The following PCDHGB2 variants were observed in gnomAD, a reference collection of about 807,000 sequenced individuals.
The protein encoded by PCDHGB2 is protocadherin gamma-B2.
A neutral mutation model predicts 59.3 loss-of-function variants in PCDHGB2; 55 were observed. The observed-to-expected ratio is 0.93, with a 90% CI of 0.75 to 1.16. PCDHGB2 has a LOEUF of 1.16. Among genes scored for constraint, PCDHGB2 ranks in the 50% most tolerant of loss-of-function variants. The pLI is 0.00. For synonymous variants in PCDHGB2, 516 were observed against 512.0 expected (o/e 1.01, Z -0.11); for missense variants, 1,228 against 1,198.5 (o/e 1.02, Z -0.36).
intron 1 of PCDHGB2, chr5:141,433,196 C>A (rs750657930): frequency 4.4e-6 from 7 of 1,575,116 alleles, no homozygotes; most frequent in African/African-American, 1.4e-5. Context: ...GAGTTTATAT[C>A]AAATCTTCTT....
At chr5:141,420,314 A>C (rs1454977890) in intron 1 of PCDHGB2, 1 of 1,442,690 alleles carries the variant, frequency 6.9e-7, no homozygotes. Flanking sequence ...TTTATATTAC[A>C]ATATGCCAAT....
At chr5:141,365,761 TGACCCC>T in intron 1 of PCDHGB2, 1 of 1,613,834 alleles carries the variant, frequency 6.2e-7, no homozygotes, top group Non-Finnish European at 8.5e-7. Context: ...TGACAGCCCA[TGACCCC>T]GACAGCGGCG....
intron 1 of PCDHGB2, among the ~76,000 whole-genome samples, chr5:141,457,253 T>C (rs986838327): frequency 1.4e-4 from 22 of 152,196 alleles, no homozygotes; most frequent in Admixed American, 1.4e-3. Flanking sequence ...CTTGCCAACA[T>C]ATAGAATTCC....
rs758579068 is a variant in PCDHGB2, at chr5:141,485,232, T to C, written c.2422-9575T>C. 6.2e-7 allele frequency: 1 copy of C among 1,614,136 alleles called. No individual in the cohort carries two copies. The highest frequency in any genetic ancestry group is 8.5e-7 in the Non-Finnish European group (1 of 1,180,016). Reference sequence around the variant, plus strand: ...TGGCGGTGGGCTACCCTTTTGTTCCTCTTTTACCACCTGGGTTACGTTTGT... The same window carrying C: ...TGGCGGTGGGCTACCCTTTTGTTCCCCTTTTACCACCTGGGTTACGTTTGT... On this transcript the variant is annotated intron_variant, in intron 1 of 3. Coordinates refer to ENST00000522605, the MANE Select transcript of PCDHGB2 (RefSeq NM_018923.3). This position sits in a 1 kb window ranked among gnomAD's most constrained non-coding sequence, Gnocchi z 5.7.
At position 141,384,817 on chromosome 5, in the gene PCDHGB2, C is replaced by A. The variant is rs373370095; in HGVS notation, c.2421+22261C>A. 2.5e-6 allele frequency: 4 copies of A among 1,613,416 alleles called. No homozygotes were observed. The South Asian group carries it at 4.4e-5, about 18-fold the overall frequency. On this transcript the variant is annotated intron_variant, in intron 1 of 3. Coordinates refer to ENST00000522605, the MANE Select transcript of PCDHGB2 (RefSeq NM_018923.3). ...CCTGCTGGACAGAGATGCCCTCAAG[C>A]AGAGCCTCGTGGTGGCCGTCCAGGA...
rs750233767 is a variant in PCDHGB2 at position 141,490,877 on chromosome 5, C to A, written c.2422-3930C>A. 1 of 1,613,880 alleles carries A rather than the reference C, an allele frequency of 6.2e-7. No individual in the cohort carries two copies. Among genetic ancestry groups the A allele is most frequent in the Non-Finnish European group, 8.5e-7 (1 of 1,179,900 alleles). On this transcript the variant is annotated intron_variant, in intron 1 of 3. Coordinates refer to ENST00000522605, the MANE Select transcript of PCDHGB2 (RefSeq NM_018923.3). This position sits in a 1 kb window ranked among gnomAD's most constrained non-coding sequence, Gnocchi z 5.4. Reference sequence around the variant, plus strand: ...GACTCCGGCTCTCCCCCATTGCATGCCAACACATCTCTGCATGTGTTTGTC... The same window carrying A: ...GACTCCGGCTCTCCCCCATTGCATGACAACACATCTCTGCATGTGTTTGTC...
At chr5:141,395,076 C>A (rs1384743817) in intron 1 of PCDHGB2, 1 of 1,614,142 alleles carries the variant, frequency 6.2e-7, no homozygotes, top group Admixed American at 1.7e-5. Context: ...GACCTATTCC[C>A]AGGAAGTCTC....
chr5:141,415,837 A>G (rs1232795581), intron 1 of PCDHGB2: 1 of 1,272,340 alleles, frequency 7.9e-7, no homozygotes, highest in Admixed American at 4.0e-5. Flanking sequence ...TGTTATGATT[A>G]GCTTTGCAGA....
At chr5:141,388,971 CAT>C (rs1456846164) in intron 1 of PCDHGB2, 3 of 1,613,890 alleles carry the variant, frequency 1.9e-6, no homozygotes, top group Non-Finnish European at 2.5e-6. Context: ...GCTGGGAACA[CAT>C]ATTGCTTTGC....
rs754577584 is a variant in PCDHGB2, at chr5:141,384,611, G to A, written c.2421+22055G>A. The A allele has an allele frequency of 4.3e-6, 7 of 1,614,098 alleles. No individual in the cohort carries two copies. The highest frequency in any genetic ancestry group is 5.9e-6 in the Non-Finnish European group (7 of 1,180,050). On this transcript the variant is annotated intron_variant, in intron 1 of 3. Coordinates refer to ENST00000522605, the MANE Select transcript of PCDHGB2 (RefSeq NM_018923.3). ...CTGTACCCGGCCCTCCCCACAGATG[G>A]TTCTACTGGCATGGAGCTGGCACCC...
chr5:141,431,216 C>A lies in PCDHGB2; in HGVS notation c.2422-63591C>A. On this transcript the variant is annotated intron_variant, in intron 1 of 3. Coordinates refer to ENST00000522605, the MANE Select transcript of PCDHGB2 (RefSeq NM_018923.3). The surrounding 1 kb of genome is among the most constrained non-coding windows in gnomAD (Gnocchi z 4.8). ...AAATGCAGCCACTGAGATGCGGTTC[C>A]CTCTACCCCACGCCTGGGATCCGGA... The A allele has an allele frequency of 6.2e-7, 1 of 1,614,162 alleles. No homozygotes were observed. The highest frequency in any genetic ancestry group is 8.5e-7 in the Non-Finnish European group (1 of 1,180,048).
chr5:141,365,924 G>T, intron 1 of PCDHGB2: 1 of 1,614,212 alleles, frequency 6.2e-7, no homozygotes, highest in Non-Finnish European at 8.5e-7. Flanking sequence ...ACAGTTGTGG[G>T]TGACAGCCAG....
intron 1 of PCDHGB2, chr5:141,421,871 CT>C: frequency 6.2e-7 from 1 of 1,613,756 alleles, no homozygotes; most frequent in Non-Finnish European, 8.5e-7. Flanking sequence ...CTCCTCACAG[CT>C]TTAGATGGAG....
At chr5:141,494,364 G>A (rs1461560857) in intron 1 of PCDHGB2, among the ~76,000 whole-genome samples, 1 of 152,202 alleles carries the variant, frequency 6.6e-6, no homozygotes, top group African/African-American at 2.4e-5. Context: ...TGCAGAGGAT[G>A]CTTTGTTCCC....
Position 141,360,559 on chromosome 5 carries a change from AT to A in PCDHGB2, c.426del (p.Ile142MetfsTer53). ...CAAACAGACTAAGATTAATTTAAAA[AT>A]TGGCGAATCCACTAAGCCAGGTACA... ...LFKQTKINLK[I>X]GESTKPGTTF... On this transcript the variant is annotated frameshift_variant, in exon 1 of 4. Coordinates refer to ENST00000522605, the MANE Select transcript of PCDHGB2 (RefSeq NM_018923.3). LOFTEE classifies it high-confidence loss of function. 2 of 1,614,032 alleles carry A rather than the reference AT, an allele frequency of 1.2e-6. No individual in the cohort carries two copies. Among genetic ancestry groups the A allele is most frequent in the Non-Finnish European group, 8.5e-7 (1 of 1,179,904 alleles).
intron 3 of PCDHGB2, 154 bp from the exon 4 acceptor site, chr5:141,510,793 G>GAGA: frequency 1.1e-6 from 1 of 935,078 alleles, no homozygotes; most frequent in Non-Finnish European, 1.3e-6. Context: ...CTCTTGTGAA[G>GAGA]AGAGACTACC....
chr5:141,398,675 A>G (rs1462726875), intron 1 of PCDHGB2: 10 of 1,613,974 alleles, frequency 6.2e-6, no homozygotes, highest in East Asian at 2.2e-5. Context: ...TTAATAATTA[A>G]GGAGAAACAG....
rs1200487646 is a variant in PCDHGB2, at chr5:141,410,571, C to T, written c.2421+48015C>T. 3 of 1,612,028 alleles carry T rather than the reference C, an allele frequency of 1.9e-6. No homozygotes were observed. The highest frequency in any genetic ancestry group is 2.5e-6 in the Non-Finnish European group (3 of 1,179,884). On this transcript the variant is annotated intron_variant, in intron 1 of 3. Coordinates refer to ENST00000522605, the MANE Select transcript of PCDHGB2 (RefSeq NM_018923.3). The stretch of plus-strand genomic sequence containing the variant: ...AGTGTTTCTCCTGGAGCCTTAATTC[C>T]ACCTCATGGTGGGGAGGATTTGACT...
At chr5:141,365,727 C>A (rs2149880807) in intron 1 of PCDHGB2, 1 of 1,613,786 alleles carries the variant, frequency 6.2e-7, no homozygotes, top group Non-Finnish European at 8.5e-7. Flanking sequence ...GAAAACAATC[C>A]CAGAGGTGTC....
Sources: allele counts gnomAD v4.1 joint callset (sites outside exome capture counted in the v4.1 genomes callset), GRCh38; gene constraint gnomAD v4.1.1; non-coding constraint Gnocchi (gnomAD v3.1); transcripts MANE v1.5; gene names NCBI Gene and HGNC (gene_info 2026-07-23, HGNC 2026-07-21).